TRAPPC9: variants seen among roughly 807,000 people sequenced by gnomAD.
TRAPPC9 encodes IKK2 binding protein.
In TRAPPC9, 83 loss-of-function variants were observed where a neutral mutation model predicts 124.0. That is an observed-to-expected ratio of 0.67 (90% CI 0.56 to 0.80). The LOEUF is 0.80. TRAPPC9 is among the 30% of genes least tolerant of loss of function. The pLI is 0.00. For missense variants in TRAPPC9, 1,302 were observed against 1,508.3 expected, an observed-to-expected ratio of 0.86 and a Z score of 2.27; for synonymous variants, 638 against 617.5, an observed-to-expected ratio of 1.03 and a Z score of -0.49.
intron 19 of TRAPPC9, chr8:139,932,178 G>C (rs1372063146): frequency 2.5e-6 from 1 of 393,322 alleles, no homozygotes; most frequent in Non-Finnish European, 5.1e-6. Context: ...CTTACAGGGA[G>C]GAACAAGGAG....
intron 17 of TRAPPC9, among the ~76,000 whole-genome samples, chr8:140,094,656 C>T (rs1465639280): frequency 3.9e-5 from 6 of 152,160 alleles, no homozygotes; most frequent in East Asian, 1.9e-4. Context: ...AAGAGGGCCT[C>T]GTCCTGTAAG....
intron 17 of TRAPPC9, among the ~76,000 whole-genome samples, chr8:140,174,326 CAT>C (rs201547392): frequency 0.015 from 2,317 of 152,150 alleles, 69 homozygotes; most frequent in African/African-American, 0.053. Context: ...CCCCATGACA[CAT>C]GTTTACCTGT....
intron 17 of TRAPPC9, among the ~76,000 whole-genome samples, chr8:140,135,354 C>T (rs758530185): frequency 3.3e-5 from 5 of 152,168 alleles, no homozygotes; most frequent in Non-Finnish European, 5.9e-5. Flanking sequence ...TCCCAATACT[C>T]ATAGCAGCAT....
At chr8:140,155,478 G>A (rs917047794) in intron 17 of TRAPPC9, among the ~76,000 whole-genome samples, 1 of 152,214 alleles carries the variant, frequency 6.6e-6, no homozygotes. Flanking sequence ...TTGAACACCT[G>A]TTACATGAAA....
At chr8:140,128,864 G>A (rs1044878035) in intron 17 of TRAPPC9, among the ~76,000 whole-genome samples, 9 of 151,946 alleles carry the variant, frequency 5.9e-5, no homozygotes, top group Non-Finnish European at 1.0e-4. Context: ...GCTTCCTTTC[G>A]AAAGCAGACA....
intron 17 of TRAPPC9, among the ~76,000 whole-genome samples, chr8:140,033,886 T>C (rs1204288571): frequency 6.6e-6 from 1 of 151,996 alleles, no homozygotes; most frequent in Admixed American, 6.6e-5. Context: ...TTCACCACGT[T>C]GGTCAGGCTG....
chr8:139,747,829 T>C (rs1256386322), intron 21 of TRAPPC9, among the ~76,000 whole-genome samples: 1 of 25,376 alleles, frequency 3.9e-5, no homozygotes, highest in Admixed American at 5.4e-4. Flanking sequence ...TGTCCCGGGG[T>C]CAGAGCAGGT....
At chr8:140,088,453 A>C (rs1322753100) in intron 17 of TRAPPC9, among the ~76,000 whole-genome samples, 1 of 152,238 alleles carries the variant, frequency 6.6e-6, no homozygotes, top group Non-Finnish European at 1.5e-5. Context: ...GGCAAGCCTC[A>C]TCTCCGCTTA....
At chr8:139,949,289 G>A (rs1834479702) in intron 19 of TRAPPC9, among the ~76,000 whole-genome samples, 1 of 152,100 alleles carries the variant, frequency 6.6e-6, no homozygotes, top group Non-Finnish European at 1.5e-5. Context: ...ATAAAATTGA[G>A]AAATAATTCT....
intron 19 of TRAPPC9, among the ~76,000 whole-genome samples, chr8:139,965,293 A>G (rs1835629109): frequency 6.6e-6 from 1 of 152,210 alleles, no homozygotes; most frequent in African/African-American, 2.4e-5. Flanking sequence ...TGTGCCCTCT[A>G]TAACTTGCAA....
intron 7 of TRAPPC9, among the ~76,000 whole-genome samples, chr8:140,395,911 A>T (rs2069079483): frequency 6.6e-6 from 1 of 151,888 alleles, no homozygotes; most frequent in Admixed American, 6.6e-5. Flanking sequence ...TAACAGAGCA[A>T]CACTCCATTC....
chr8:140,343,492 C>T (rs1439433154), intron 9 of TRAPPC9, among the ~76,000 whole-genome samples: 1 of 152,158 alleles, frequency 6.6e-6, no homozygotes, highest in Non-Finnish European at 1.5e-5. Context: ...GAGGCAGGGC[C>T]GCGAAAGGAC....
chr8:140,450,967 G>C lies in TRAPPC9; in HGVS notation c.407C>G (p.Pro136Arg). 1 of 1,614,148 alleles carries C rather than the reference G, an allele frequency of 6.2e-7. No individual in the cohort carries two copies. The change falls in exon 2 of 23, where the codon CCC becomes CGC. Residue 136 changes from proline (P) to arginine (R), a missense_variant. Physicochemically the swap from Pro to Arg is moderately radical, Grantham distance 103. Coordinates refer to ENST00000438773, the MANE Select transcript of TRAPPC9 (RefSeq NM_001160372.4). ...CACCGTCTGGCAGTCCTCGTAGTTG[G>C]GGTAGAAAGCCACGTCGGTGCGCGG... is the stretch of plus-strand genomic sequence containing the variant. ...EQPRTDVAFY[P>R]NYEDCQTVEK...
chr8:139,903,254 C>T (rs1173593430), intron 20 of TRAPPC9, among the ~76,000 whole-genome samples: 3 of 152,168 alleles, frequency 2.0e-5, no homozygotes, highest in Non-Finnish European at 4.4e-5. Context: ...AAGCCATTTG[C>T]CTTGGGCTTC....
At chr8:139,891,128 G>A (rs1344493885) in intron 20 of TRAPPC9, among the ~76,000 whole-genome samples, 1 of 152,214 alleles carries the variant, frequency 6.6e-6, no homozygotes, top group Non-Finnish European at 1.5e-5. Context: ...GTGTCTTTAT[G>A]AGCAGGGCAT....
intron 18 of TRAPPC9, among the ~76,000 whole-genome samples, chr8:140,009,973 C>T (rs1407945717): frequency 2.6e-5 from 4 of 152,092 alleles, no homozygotes; most frequent in East Asian, 1.9e-4. Context: ...GGTGAGGCTG[C>T]GGGGAACCAG....
chr8:139,789,049 T>C (rs1012612345), intron 21 of TRAPPC9, among the ~76,000 whole-genome samples: 1 of 152,206 alleles, frequency 6.6e-6, no homozygotes, highest in African/African-American at 2.4e-5. Flanking sequence ...ACAGCTAAAA[T>C]CAGCATGCAC....
chr8:140,339,249 A>T (rs1017417188), intron 9 of TRAPPC9, among the ~76,000 whole-genome samples: 3 of 152,254 alleles, frequency 2.0e-5, no homozygotes, highest in African/African-American at 7.2e-5. Flanking sequence ...CACCGCCAAC[A>T]TCTGCATTTC....
chr8:140,243,723 A>G (rs2063915918), intron 16 of TRAPPC9, among the ~76,000 whole-genome samples: 1 of 152,226 alleles, frequency 6.6e-6, no homozygotes, highest in African/African-American at 2.4e-5. Flanking sequence ...CTGCTATCAT[A>G]TCCCCATTTT....
Sources: allele counts gnomAD v4.1 joint callset (sites outside exome capture counted in the v4.1 genomes callset), GRCh38; gene constraint gnomAD v4.1.1; transcripts MANE v1.5; gene names NCBI Gene and HGNC (gene_info 2026-07-23, HGNC 2026-07-21).